The following EYA2 variants were observed in gnomAD, a reference collection of about 807,000 sequenced individuals.
EYA2 encodes EYA transcriptional coactivator and phosphatase 2.
EYA2 carries 31 observed loss-of-function variants against 69.2 expected under a neutral mutation model. That is an observed-to-expected ratio of 0.45 (90% confidence interval 0.34 to 0.60). The LOEUF (loss-of-function observed/expected upper bound fraction) is 0.60. Ranked by LOEUF, EYA2 falls within the 20% of genes least tolerant of loss-of-function variation. The pLI is 0.02. For missense variants in EYA2, 622 were observed against 701.2 expected, an observed-to-expected ratio of 0.89 and a Z score of 1.28; for synonymous variants, 257 against 279.4, an observed-to-expected ratio of 0.92 and a Z score of 0.80.
rs370951220 is a variant in EYA2, at chr20:46,963,711, A to C, written c.-10-26290A>C. Among the ~76,000 whole-genome samples, 4 of 152,230 alleles carry C rather than the reference A, an allele frequency of 2.6e-5. No individual in the cohort carries two copies. In the East Asian group the frequency reaches 5.8e-4, roughly 22 times the overall value. On this transcript the variant is annotated intron_variant, in intron 1 of 15. Transcript: ENST00000327619. Reference sequence around the variant, plus strand: ...CCTCCCAAGGTGGTTCTGATGTGCAAAGAACACCTGAAGGTGGGCCGGGGG... The same window carrying C: ...CCTCCCAAGGTGGTTCTGATGTGCACAGAACACCTGAAGGTGGGCCGGGGG...
chr20:46,922,866 G>C (rs1191773026), intron 1 of EYA2, among the ~76,000 whole-genome samples: 2 of 152,206 alleles, frequency 1.3e-5, no homozygotes, highest in Non-Finnish European at 2.9e-5. Context: ...TTGGTGATCT[G>C]TATCAATGTC....
At chr20:47,080,902 C>G (rs1329839148) in intron 7 of EYA2, among the ~76,000 whole-genome samples, 1 of 152,216 alleles carries the variant, frequency 6.6e-6, no homozygotes, top group Non-Finnish European at 1.5e-5. Context: ...AGGTCTTACT[C>G]TGTCACCCAG....
chr20:47,113,029 G>A (rs1457431485), intron 9 of EYA2, among the ~76,000 whole-genome samples: 2 of 151,558 alleles, frequency 1.3e-5, no homozygotes, highest in Admixed American at 6.6e-5. Context: ...GCACCACCAC[G>A]CCCGGCTAAT....
chr20:47,137,284 G>A (rs1179020557), intron 9 of EYA2, among the ~76,000 whole-genome samples: 1 of 152,194 alleles, frequency 6.6e-6, no homozygotes, highest in Non-Finnish European at 1.5e-5. Context: ...ACCAACTGAT[G>A]TGGGGTCTTC....
Position 47,124,927 on chromosome 20 carries a change from G to A in EYA2, c.889-18132G>A, listed in dbSNP as rs550709583. On this transcript the variant is annotated intron_variant, in intron 9 of 15. Coordinates refer to ENST00000327619, the MANE Select transcript of EYA2 (RefSeq NM_005244.5). ...AATAGTTGCACAAAACCCCAAAAGA[G>A]GAACCGGTTTCAACATCTTTCTTTG... Among the ~76,000 whole-genome samples the A allele has an allele frequency of 2.0e-5, 3 of 151,636 alleles. No individual in the cohort carries two copies. The South Asian group carries it at 6.3e-4, about 32-fold the overall frequency.
chr20:46,916,014 A>G (rs1984887834), intron 1 of EYA2, among the ~76,000 whole-genome samples: 1 of 152,238 alleles, frequency 6.6e-6, no homozygotes, highest in Non-Finnish European at 1.5e-5. Flanking sequence ...TTGTTTAAAC[A>G]TTAATAGTAC....
intron 1 of EYA2, among the ~76,000 whole-genome samples, chr20:46,957,578 CGAAG>C (rs1979214437): frequency 1.5e-5 from 1 of 66,586 alleles, no homozygotes. Context: ...CACACACACA[CGAAG>C]ACAATGTGAA....
chr20:47,103,791 G>A (rs1474817498), intron 9 of EYA2, among the ~76,000 whole-genome samples: 3 of 152,168 alleles, frequency 2.0e-5, no homozygotes, highest in Admixed American at 6.5e-5. Context: ...TTTGGGTGGG[G>A]ACACAGAGCC....
intron 1 of EYA2, among the ~76,000 whole-genome samples, chr20:46,952,330 A>G (rs1978852999): frequency 6.6e-6 from 1 of 152,140 alleles, no homozygotes; most frequent in Non-Finnish European, 1.5e-5. Context: ...TCTGAGCTCC[A>G]GAAGTCAGGG....
chr20:47,079,423 C>G (rs996058972), intron 7 of EYA2, among the ~76,000 whole-genome samples: 1 of 152,164 alleles, frequency 6.6e-6, no homozygotes, highest in Non-Finnish European at 1.5e-5. Flanking sequence ...ACCTGCCTTC[C>G]TTGGCTCATG....
chr20:46,896,555 C>T (rs1983823473), intron 1 of EYA2, among the ~76,000 whole-genome samples: 1 of 152,190 alleles, frequency 6.6e-6, no homozygotes, highest in Non-Finnish European at 1.5e-5. Flanking sequence ...GCCCCTTCAT[C>T]CTTTACATAT....
rs73913817 is a variant in EYA2 at position 47,137,731 on chromosome 20, C to T, written c.889-5328C>T. Among the ~76,000 whole-genome samples, 605 of 152,244 alleles carry T rather than the reference C, an allele frequency of 4.0e-3. 3 individuals are homozygous for T. The highest frequency in any genetic ancestry group is 0.014 in the African/African-American group (569 of 41,544). On this transcript the variant is annotated intron_variant, in intron 9 of 15. Transcript: ENST00000327619. ...CACATAAATTAATACTGAGTCACCA[C>T]CAAATTTTTTTTTCTTTTAGTTTCT...
At chr20:47,059,734 G>A (rs564062668) in intron 5 of EYA2, among the ~76,000 whole-genome samples, 20 of 152,336 alleles carry the variant, frequency 1.3e-4, no homozygotes, top group African/African-American at 4.8e-4. Context: ...AAACTCTCCA[G>A]AATTTTGGCC....
At chr20:47,047,386 C>G (rs1045888783) in intron 5 of EYA2, among the ~76,000 whole-genome samples, 1 of 135,892 alleles carries the variant, frequency 7.4e-6, no homozygotes, top group Non-Finnish European at 1.6e-5. Context: ...TATTTTTTGT[C>G]TCTCTCTCTC....
At position 47,181,087 on chromosome 20, in the gene EYA2, T is replaced by C. The variant is rs562627166; in HGVS notation, c.1435+151T>C. On this transcript the variant is annotated intron_variant, in intron 14 of 15. Coordinates refer to ENST00000327619, the MANE Select transcript of EYA2 (RefSeq NM_005244.5). ...ACTCAGATTCCCAAAACAGCCCCCA[T>C]AGACCACATGCCTTAACCTCTGCTT... 5.6e-6 allele frequency: 6 copies of C among 1,078,758 alleles called. 1 individual carries two copies. The East Asian group carries it at 1.5e-4, about 28-fold the overall frequency. 66.8% of individuals were successfully genotyped at this position (1,078,758 alleles called of 1,614,324 possible). A position where few individuals can be genotyped will look rare whatever the true frequency, so the allele number is the denominator to read the frequency against.
chr20:46,909,788 C>A (rs1568662522), intron 1 of EYA2, among the ~76,000 whole-genome samples: 1 of 152,106 alleles, frequency 6.6e-6, no homozygotes. Context: ...CCTTATATCC[C>A]CCAAAATTGT....
intron 9 of EYA2, among the ~76,000 whole-genome samples, chr20:47,129,313 G>A (rs1336270343): frequency 6.6e-6 from 1 of 152,188 alleles, no homozygotes; most frequent in African/African-American, 2.4e-5. Flanking sequence ...GTAATGGGAT[G>A]TGGAGTGAGT....
chr20:47,178,470 G>C (rs1282652127), intron 12 of EYA2, among the ~76,000 whole-genome samples: 2 of 115,304 alleles, frequency 1.7e-5, no homozygotes, highest in African/African-American at 9.3e-5. Context: ...GAGTCCACTT[G>C]GTGTTTCAGG....
chr20:46,929,758 G>A (rs950537644), intron 1 of EYA2, among the ~76,000 whole-genome samples: 4 of 151,970 alleles, frequency 2.6e-5, no homozygotes, highest in Admixed American at 2.6e-4. Flanking sequence ...TGTAATCCTA[G>A]TGCATTGAGA....
Sources: allele counts gnomAD v4.1 joint callset (sites outside exome capture counted in the v4.1 genomes callset), GRCh38; gene constraint gnomAD v4.1.1; transcripts MANE v1.5; gene names NCBI Gene and HGNC (gene_info 2026-07-23, HGNC 2026-07-21).